Variants in CCDC158 observed in about 807,000 individuals in gnomAD.
The protein encoded by CCDC158 is coiled-coil domain-containing protein 158.
In CCDC158, 116 loss-of-function variants were observed where a neutral mutation model predicts 138.6. The ratio of observed to expected loss-of-function variants is 0.84; its 90% CI spans 0.72 to 0.98. CCDC158 has a LOEUF of 0.98. Among genes scored for constraint, CCDC158 ranks in the 50% least tolerant of loss-of-function variants. The pLI is 0.00. For synonymous variants in CCDC158, 436 were observed against 442.4 expected, an observed-to-expected ratio of 0.99 and a Z score of 0.18; for missense variants, 1,265 against 1,306.1, an observed-to-expected ratio of 0.97 and a Z score of 0.48.
chr4:76,329,059 G>C, intron 21 of CCDC158, 92 bp from the exon 22 acceptor site: 1 of 998,300 alleles, frequency 1.0e-6, no homozygotes, highest in Non-Finnish European at 1.6e-6. Flanking sequence ...AGGCAAATGT[G>C]ATGGTTTAAA....
At chr4:76,344,824 C>T (rs978942799) in intron 18 of CCDC158, 51 of 1,599,370 alleles carry the variant, frequency 3.2e-5, no homozygotes, top group Admixed American at 1.2e-4. Flanking sequence ...ATGCAGAAAC[C>T]GGGAGAGGGT....
chr4:76,385,812 T>C (rs28581264), intron 4 of CCDC158, among the ~76,000 whole-genome samples: 4,485 of 152,134 alleles, frequency 0.029, 221 homozygotes, highest in African/African-American at 0.1. Context: ...AAAATTCATA[T>C]CTAAGTACAT....
In CCDC158 at chr4:76,358,201, T is replaced by C. The variant is rs556702199; in HGVS notation, c.2021-675A>G. The stretch of plus-strand genomic sequence containing the variant: ...CCTTCTGGTTCCCTCTCCCAGTTGC[T>C]TACATTGCTTTTCCAATACCACAAA... On this transcript the variant is annotated intron_variant, in intron 13 of 24. Transcript: ENST00000682701. 5.3e-5 allele frequency among the ~76,000 whole-genome samples: 8 copies of C among 152,242 alleles called. No individual in the cohort carries two copies. In the South Asian group the frequency reaches 1.7e-3, roughly 32 times the overall value.
At chr4:76,330,555 G>A (rs1339738352) in intron 21 of CCDC158, among the ~76,000 whole-genome samples, 2 of 152,092 alleles carry the variant, frequency 1.3e-5, no homozygotes, top group African/African-American at 2.4e-5. Context: ...CATGGGTTCT[G>A]CAATCACAGA....
chr4:76,405,440 G>C (rs961613412), intron 2 of CCDC158, among the ~76,000 whole-genome samples: 20 of 152,036 alleles, frequency 1.3e-4, no homozygotes, highest in African/African-American at 4.6e-4. Context: ...GTCTACAACT[G>C]GTGAAGATCT....
chr4:76,400,894 C>A (rs10518147), intron 3 of CCDC158, among the ~76,000 whole-genome samples: 14,952 of 152,060 alleles, frequency 0.098, 1,105 homozygotes, highest in East Asian at 0.34. Context: ...AAGTGACTGG[C>A]TGAAATAAGG....
At chr4:76,393,507 T>C (rs1036824209) in intron 4 of CCDC158, among the ~76,000 whole-genome samples, 3 of 152,160 alleles carry the variant, frequency 2.0e-5, no homozygotes, top group African/African-American at 7.2e-5. Context: ...GACTTATATC[T>C]AAGACCTCAA....
chr4:76,339,520 T>A (rs1375818642), intron 18 of CCDC158, among the ~76,000 whole-genome samples: 1 of 152,264 alleles, frequency 6.6e-6, no homozygotes, highest in Admixed American at 6.5e-5. Context: ...AAGGCAACAA[T>A]GCTTGTTTTG....
intron 3 of CCDC158, among the ~76,000 whole-genome samples, chr4:76,399,537 T>C (rs746976551): frequency 1.3e-5 from 2 of 152,162 alleles, no homozygotes; most frequent in Admixed American, 6.5e-5. Flanking sequence ...GGAATCTGGC[T>C]ACATTGGCCA....
At chr4:76,324,278 C>T (rs560920428) in intron 23 of CCDC158, among the ~76,000 whole-genome samples, 1 of 151,488 alleles carries the variant, frequency 6.6e-6, no homozygotes, top group East Asian at 2.0e-4. Context: ...ACCTCTGCCT[C>T]CCGGGTTCAA....
intron 1 of CCDC158, among the ~76,000 whole-genome samples, chr4:76,418,149 A>G (rs1268920174): frequency 6.6e-6 from 1 of 152,210 alleles, no homozygotes; most frequent in African/African-American, 2.4e-5. Flanking sequence ...CCAGCGGCTG[A>G]GTAGAGAATA....
intron 24 of CCDC158, among the ~76,000 whole-genome samples, chr4:76,319,630 G>A (rs535514351): frequency 6.6e-6 from 1 of 150,494 alleles, no homozygotes; most frequent in Non-Finnish European, 1.5e-5. Context: ...TGCAGGGATG[G>A]TTTAACCTAC....
In CCDC158 at chr4:76,343,312, C is replaced by T. The variant is rs368072520; in HGVS notation, c.2664+7684G>A. 2.6e-5 allele frequency among the ~76,000 whole-genome samples: 4 copies of T among 152,198 alleles called. No individual in the cohort carries two copies. In the South Asian group the frequency reaches 8.3e-4, roughly 32 times the overall value. ...CTTCAATAAAAAAGCATTACCTAACCATCTACCAGTTGAAAAGCCCTGACA... is the reference window on the plus strand; with the variant it reads ...CTTCAATAAAAAAGCATTACCTAACTATCTACCAGTTGAAAAGCCCTGACA... On this transcript the variant is annotated intron_variant, in intron 18 of 24. Coordinates refer to ENST00000682701, the MANE Select transcript of CCDC158 (RefSeq NM_001394954.1).
At chr4:76,410,735 C>T (rs1729228069) in intron 2 of CCDC158, among the ~76,000 whole-genome samples, 1 of 152,168 alleles carries the variant, frequency 6.6e-6, no homozygotes, top group Non-Finnish European at 1.5e-5. Context: ...ATCTCAGAAA[C>T]ACAATAAGGA....
intron 23 of CCDC158, 23 bp from the exon 24 acceptor site, chr4:76,323,432 T>C: frequency 6.5e-7 from 1 of 1,542,876 alleles, no homozygotes. Flanking sequence ...TGCTTAGATG[T>C]GATATTAAAA....
chr4:76,413,968 G>T (rs1482636864), intron 1 of CCDC158, among the ~76,000 whole-genome samples: 2 of 151,962 alleles, frequency 1.3e-5, no homozygotes, highest in Non-Finnish European at 2.9e-5. Flanking sequence ...TTGAGACAGG[G>T]TCTCACTTTG....
intron 12 of CCDC158, among the ~76,000 whole-genome samples, chr4:76,366,516 C>T (rs1033738467): frequency 6.6e-6 from 1 of 152,066 alleles, no homozygotes; most frequent in Admixed American, 6.6e-5. Flanking sequence ...CGAGCACCTT[C>T]TGGGTGCAAG....
At chr4:76,387,181 C>T (rs898340147) in intron 4 of CCDC158, among the ~76,000 whole-genome samples, 4 of 151,974 alleles carry the variant, frequency 2.6e-5, no homozygotes, top group Non-Finnish European at 4.4e-5. Context: ...TTCTGTTTGA[C>T]GAGGGGAGAG....
intron 3 of CCDC158, chr4:76,401,660 AG>A (rs1728402140): frequency 6.2e-6 from 1 of 162,206 alleles, no homozygotes; most frequent in Admixed American, 6.4e-5. Context: ...GAAGTCTATC[AG>A]TTCTTGGTAA....
Sources: gnomAD v4.1 joint callset for allele counts (sites outside exome capture counted in the v4.1 genomes callset) on GRCh38, gnomAD v4.1.1 for gene constraint, MANE v1.5 for transcripts, NCBI Gene and HGNC (gene_info 2026-07-23, HGNC 2026-07-21) for gene names.